The following TRAK1 variants were observed in gnomAD, a reference collection of about 807,000 sequenced individuals.
The protein encoded by TRAK1 is trafficking kinesin protein 1, also known as trafficking kinesin-binding protein 1.
In TRAK1, 33 loss-of-function variants were observed where a neutral mutation model predicts 92.1. The observed-to-expected ratio is 0.36, with a 90% CI of 0.27 to 0.48. TRAK1 has a LOEUF of 0.48. TRAK1 is among the 20% of genes least tolerant of loss of function. The pLI, the probability that TRAK1 is intolerant of heterozygous loss-of-function variation, is 0.99. For missense variants in TRAK1, 1,123 were observed against 1,257.9 expected (o/e 0.89, Z 1.62); for synonymous variants, 521 against 517.3 (o/e 1.01, Z -0.10).
chr3:42,035,044 C>T (rs1457016865), intron 1 of TRAK1, among the ~76,000 whole-genome samples: 1 of 152,216 alleles, frequency 6.6e-6, no homozygotes, highest in Admixed American at 6.5e-5. Context: ...CCTTCTTTCT[C>T]CTTTCCCTGA....
intron 2 of TRAK1, among the ~76,000 whole-genome samples, chr3:42,143,764 G>A (rs1698992163): frequency 6.6e-6 from 1 of 152,158 alleles, no homozygotes; most frequent in Non-Finnish European, 1.5e-5. Flanking sequence ...CCGAGGGAGG[G>A]CTGTAACCCT....
chr3:42,153,174 G>C (rs893597763), intron 2 of TRAK1, among the ~76,000 whole-genome samples: 10 of 152,124 alleles, frequency 6.6e-5, no homozygotes, highest in African/African-American at 2.4e-4. Context: ...AGGCTAAAGG[G>C]GGGAGGATCA....
chr3:42,213,832 A>G (rs1709361775), intron 14 of TRAK1, among the ~76,000 whole-genome samples: 1 of 152,168 alleles, frequency 6.6e-6, no homozygotes, highest in African/African-American at 2.4e-5. Flanking sequence ...GTGAGTTCCC[A>G]TGCTGTTGGG....
chr3:42,021,875 C>T (rs1286905551), intron 1 of TRAK1, among the ~76,000 whole-genome samples: 1 of 152,054 alleles, frequency 6.6e-6, no homozygotes, highest in Non-Finnish European at 1.5e-5. Flanking sequence ...GCGCCTGGCC[C>T]TCATACAGTT....
intron 13 of TRAK1, among the ~76,000 whole-genome samples, chr3:42,209,501 A>G (rs536249946): frequency 2.2e-4 from 34 of 151,950 alleles, no homozygotes; most frequent in Admixed American, 5.2e-4. Context: ...TGCACATACT[A>G]TGGTGTGGAT....
At chr3:42,069,603 A>G (rs1316384028) in intron 1 of TRAK1, among the ~76,000 whole-genome samples, 1 of 152,030 alleles carries the variant, frequency 6.6e-6, no homozygotes. Flanking sequence ...GTGACCTGCA[A>G]TTTTCCCACT....
chr3:42,032,776 T>C (rs1288235978), intron 1 of TRAK1, among the ~76,000 whole-genome samples: 2 of 152,196 alleles, frequency 1.3e-5, no homozygotes, highest in Middle Eastern at 3.2e-3. Flanking sequence ...AAACACTGGC[T>C]GCCAGGCATA....
chr3:42,178,550 C>T (rs1248823633), intron 3 of TRAK1, among the ~76,000 whole-genome samples: 1 of 152,152 alleles, frequency 6.6e-6, no homozygotes, highest in Non-Finnish European at 1.5e-5. Context: ...TTGCTGAGCC[C>T]CAGGCATAGG....
chr3:42,162,222 A>C (rs1274455710), intron 2 of TRAK1, among the ~76,000 whole-genome samples: 1 of 152,162 alleles, frequency 6.6e-6, no homozygotes, highest in Non-Finnish European at 1.5e-5. Context: ...TAGTCAAGAG[A>C]GGAAAAAAAT....
intron 2 of TRAK1, chr3:42,145,531 A>G (rs1400357320): frequency 6.6e-6 from 1 of 152,014 alleles, no homozygotes; most frequent in African/African-American, 2.4e-5. Flanking sequence ...AAGATCTTTG[A>G]TATGATTTGT....
In TRAK1 at chr3:42,211,352, G is replaced by C. The variant is rs56887781; in HGVS notation, c.1963+1367G>C. The C allele has an allele frequency of 1.2e-3, 1,213 of 985,334 alleles. 8 individuals carry two copies. In the African/African-American group the frequency reaches 0.02, roughly 16 times the overall value. 61.0% of individuals were successfully genotyped at this position (985,334 alleles called of 1,614,324 possible). On this transcript the variant is annotated intron_variant, in intron 14 of 15. Transcript: ENST00000327628. ...AGTCATGTGATTTGTTTAGCACATA[G>C]GTTTATTTATGGTTTGATTTTTTTT... is the stretch of plus-strand genomic sequence containing the variant.
At chr3:42,219,473 G>T in intron 14 of TRAK1, 21 bp from the exon 15 acceptor site, 1 of 1,614,038 alleles carries the variant, frequency 6.2e-7, no homozygotes, top group Non-Finnish European at 8.5e-7. Flanking sequence ...CAAGGAATAT[G>T]TTTTGTTCCT....
intron 1 of TRAK1, among the ~76,000 whole-genome samples, chr3:42,102,659 A>C (rs149252134): frequency 0.035 from 5,372 of 152,212 alleles, 164 homozygotes; most frequent in Non-Finnish European, 0.057. Flanking sequence ...CTATTTGTAT[A>C]AGGTGTGAGT....
chr3:42,205,655 T>G (rs1007816623), intron 13 of TRAK1, among the ~76,000 whole-genome samples: 23 of 152,200 alleles, frequency 1.5e-4, no homozygotes, highest in Admixed American at 1.5e-3. Context: ...TCCAAATAAA[T>G]AATATGTAAA....
At chr3:42,052,723 C>A (rs562125411) in intron 1 of TRAK1, among the ~76,000 whole-genome samples, 75 of 152,182 alleles carry the variant, frequency 4.9e-4, no homozygotes, top group Non-Finnish European at 9.6e-4. Flanking sequence ...TGTGTGCATG[C>A]AGGATGTGCA....
intron 1 of TRAK1, among the ~76,000 whole-genome samples, chr3:42,041,926 G>T (rs1702558124): frequency 6.6e-6 from 1 of 151,896 alleles, no homozygotes; most frequent in South Asian, 2.1e-4. Flanking sequence ...TCCTGAGTCT[G>T]GGATTGCAGG....
rs771103582 is a variant in TRAK1 at position 42,209,995 on chromosome 3, C to G, written c.1963+10C>G. 1 of 1,614,078 alleles carries G rather than the reference C, an allele frequency of 6.2e-7. No homozygotes were observed. Among genetic ancestry groups the G allele is most frequent in the African/African-American group, 1.3e-5 (1 of 74,916 alleles). On this transcript the variant is annotated intron_variant, in intron 14 of 15. Coordinates refer to ENST00000327628, the MANE Select transcript of TRAK1 (RefSeq NM_001042646.3). ...CACCCAGAGACCTCAGGTGAGAGGT[C>G]CCAAGCACGTGTGACTGTCTCAGGC...
chr3:42,207,230 T>G (rs1708436987), intron 13 of TRAK1, among the ~76,000 whole-genome samples: 1 of 152,180 alleles, frequency 6.6e-6, no homozygotes, highest in Admixed American at 6.5e-5. Flanking sequence ...TGGTGCTATT[T>G]TGTTATCAGG....
At chr3:42,059,147 T>G (rs1389018207) in intron 1 of TRAK1, among the ~76,000 whole-genome samples, 1 of 151,648 alleles carries the variant, frequency 6.6e-6, no homozygotes. Context: ...CAGGCTGGAG[T>G]GCAGTGGTGC....
Sources: allele counts gnomAD v4.1 joint callset (sites outside exome capture counted in the v4.1 genomes callset), GRCh38; gene constraint gnomAD v4.1.1; transcripts MANE v1.5; gene names NCBI Gene and HGNC (gene_info 2026-07-23, HGNC 2026-07-21).